Variants in ADAM18 observed in about 807,000 individuals in gnomAD.
ADAM18 encodes disintegrin and metalloproteinase domain-containing protein 18.
ADAM18 carries 117 observed loss-of-function variants against 94.4 expected under a neutral mutation model. The observed-to-expected ratio is 1.24, with a 90% CI of 1.07 to 1.45. ADAM18 has a LOEUF of 1.45. Ranked by LOEUF, ADAM18 falls within the 40% of genes most tolerant of loss-of-function variation. The pLI is 0.00. For synonymous variants in ADAM18, 327 were observed against 291.6 expected (o/e 1.12, Z -1.24); for missense variants, 936 against 880.0 (o/e 1.06, Z -0.81).
intron 14 of ADAM18, among the ~76,000 whole-genome samples, chr8:39,671,047 C>A (rs1821140992): frequency 6.6e-6 from 1 of 152,354 alleles, no homozygotes; most frequent in South Asian, 2.1e-4. Context: ...CAGCTTCCTT[C>A]CCATTTCCAA....
intron 6 of ADAM18, among the ~76,000 whole-genome samples, chr8:39,627,402 A>C (rs1168416107): frequency 2.0e-5 from 3 of 152,112 alleles, no homozygotes; most frequent in Non-Finnish European, 4.4e-5. Context: ...AATTATCTCC[A>C]CCTGACCCCA....
At chr8:39,691,751 C>G (rs1446787146) in intron 16 of ADAM18, among the ~76,000 whole-genome samples, 1 of 151,912 alleles carries the variant, frequency 6.6e-6, no homozygotes, top group Non-Finnish European at 1.5e-5. Context: ...ATCATATATT[C>G]TTACTCATAC....
At chr8:39,647,703 C>T (rs1820423839) in intron 11 of ADAM18, among the ~76,000 whole-genome samples, 1 of 152,132 alleles carries the variant, frequency 6.6e-6, no homozygotes, top group Non-Finnish European at 1.5e-5. Flanking sequence ...TGCATTGTGC[C>T]CCTGGTTTAT....
At chr8:39,677,294 G>T in intron 14 of ADAM18, 137 bp from the exon 15 acceptor site, 1 of 610,580 alleles carries the variant, frequency 1.6e-6, no homozygotes, top group Non-Finnish European at 2.8e-6. Context: ...TACTTGCATT[G>T]ACAGGGTATG....
At chr8:39,651,778 T>C (rs909494601) in intron 12 of ADAM18, among the ~76,000 whole-genome samples, 4 of 152,124 alleles carry the variant, frequency 2.6e-5, no homozygotes, top group African/African-American at 9.7e-5. Context: ...AGAAACCACA[T>C]AAGACCTTAA....
intron 3 of ADAM18, among the ~76,000 whole-genome samples, chr8:39,608,011 G>A (rs1008271599): frequency 1.3e-5 from 2 of 151,716 alleles, no homozygotes; most frequent in African/African-American, 4.8e-5. Flanking sequence ...ATGTCCAAAT[G>A]GAATTCTGAC....
At chr8:39,669,800 C>A (rs1193702194) in intron 14 of ADAM18, among the ~76,000 whole-genome samples, 1 of 152,102 alleles carries the variant, frequency 6.6e-6, no homozygotes, top group Non-Finnish European at 1.5e-5. Context: ...TTTATAGCAG[C>A]ATGATTTATA....
At chr8:39,615,366 A>G (rs1399412725) in intron 6 of ADAM18, among the ~76,000 whole-genome samples, 1 of 152,184 alleles carries the variant, frequency 6.6e-6, no homozygotes, top group Non-Finnish European at 1.5e-5. Flanking sequence ...TGGATAAATG[A>G]TGAAATTAAG....
chr8:39,617,339 G>C (rs1056349468), intron 6 of ADAM18, among the ~76,000 whole-genome samples: 8 of 151,964 alleles, frequency 5.3e-5, no homozygotes, highest in African/African-American at 1.9e-4. Context: ...AAAAGAAAAA[G>C]TTACAGATAC....
At chr8:39,692,079 C>T (rs1386892948) in intron 16 of ADAM18, among the ~76,000 whole-genome samples, 1 of 151,748 alleles carries the variant, frequency 6.6e-6, no homozygotes, top group Admixed American at 6.6e-5. Context: ...TTATTCACCA[C>T]CATATTACAC....
rs375589610 is a variant in ADAM18, at chr8:39,680,198, C to T, written c.1793C>T (p.Ala598Val). The T allele has an allele frequency of 1.2e-6, 2 of 1,613,060 alleles. No homozygotes were observed. The highest frequency in any genetic ancestry group is 1.3e-5 in the African/African-American group (1 of 74,850). The change falls in exon 16 of 20, where the codon GCT becomes GTT. Residue 598 changes from alanine (A) to valine (V), a missense_variant. Physicochemically the swap from Ala to Val is moderately conservative, Grantham distance 64 (BLOSUM62 0). Transcript: ENST00000265707. ...GATGGAACAGACAATGCCTATGTGGCTGATGGCACCATGTGTGGTCCAGAA... is the reference window on the plus strand; with the variant it reads ...GATGGAACAGACAATGCCTATGTGGTTGATGGCACCATGTGTGGTCCAGAA... ...RSDGTDNAYV[A>V]DGTMCGPEMY...
At chr8:39,710,363 TA>T (rs1462601508) in intron 18 of ADAM18, among the ~76,000 whole-genome samples, 2 of 152,120 alleles carry the variant, frequency 1.3e-5, no homozygotes, top group Non-Finnish European at 2.9e-5. Flanking sequence ...TGTATATACT[TA>T]AAGGGTAATT....
Position 39,719,408 on chromosome 8 carries a change from C to T in ADAM18, c.2018-4340C>T, listed in dbSNP as rs568045513. 1.3e-4 allele frequency among the ~76,000 whole-genome samples: 20 copies of T among 151,318 alleles called. No individual in the cohort carries two copies. The East Asian group carries it at 3.1e-3, about 23-fold the overall frequency. On this transcript the variant is annotated intron_variant, in intron 18 of 19. Coordinates refer to ENST00000265707, the MANE Select transcript of ADAM18 (RefSeq NM_014237.3). ...AAGAGAAATCCTCAGGGACTTTGAG[C>T]GCAGATTTTGTAGATATGACACCAA...
chr8:39,671,490 G>A (rs571540371), intron 14 of ADAM18, among the ~76,000 whole-genome samples: 2 of 152,302 alleles, frequency 1.3e-5, no homozygotes, highest in Admixed American at 1.3e-4. Flanking sequence ...GTTAGAGAGA[G>A]ATGAGGAAGA....
intron 16 of ADAM18, among the ~76,000 whole-genome samples, chr8:39,688,032 G>T (rs2129580763): frequency 6.6e-6 from 1 of 152,222 alleles, no homozygotes; most frequent in East Asian, 1.9e-4. Flanking sequence ...TTAAGTTCAA[G>T]GAGTAATTTC....
chr8:39,586,774 A>G (rs1004407885), intron 2 of ADAM18, among the ~76,000 whole-genome samples: 1 of 127,416 alleles, frequency 7.8e-6, no homozygotes, highest in Admixed American at 8.4e-5. Flanking sequence ...CTATCTATCT[A>G]TCTATCTATC....
At chr8:39,660,189 A>G (rs1820798540) in intron 12 of ADAM18, among the ~76,000 whole-genome samples, 1 of 152,158 alleles carries the variant, frequency 6.6e-6, no homozygotes, top group African/African-American at 2.4e-5. Context: ...AGAAAAGAAC[A>G]AAAGATCTAC....
chr8:39,625,589 G>C lies in ADAM18; in HGVS notation c.523-3785G>C, dbSNP rs1399487232. Among the ~76,000 whole-genome samples the C allele has an allele frequency of 3.3e-5, 5 of 152,030 alleles. No individual in the cohort carries two copies. The South Asian group carries it at 1.0e-3, about 32-fold the overall frequency. On this transcript the variant is annotated intron_variant, in intron 6 of 19. Transcript: ENST00000265707. ...CAGCACTATGTTGAATAGAAGTAGTGAAAGTATCCTTCTTTGTCTTTTTCC... is the reference window on the plus strand; with the variant it reads ...CAGCACTATGTTGAATAGAAGTAGTCAAAGTATCCTTCTTTGTCTTTTTCC...
At chr8:39,677,337 G>A in intron 14 of ADAM18, 94 bp from the exon 15 acceptor site, 1 of 980,194 alleles carries the variant, frequency 1.0e-6, no homozygotes, top group South Asian at 1.6e-5. Flanking sequence ...ACAAGTACAT[G>A]ATCTTTTTGA....
Sources: allele counts gnomAD v4.1 joint callset (sites outside exome capture counted in the v4.1 genomes callset), GRCh38; gene constraint gnomAD v4.1.1; transcripts MANE v1.5; gene names NCBI Gene and HGNC (gene_info 2026-07-23, HGNC 2026-07-21).